Variants in FAF1 observed in about 807,000 individuals in gnomAD.
FAF1 encodes the protein Fas associated factor 1, also known as FAS-associated factor 1.
A neutral mutation model predicts 92.5 loss-of-function variants in FAF1; 25 were observed. The observed-to-expected ratio is 0.27, with a 90% confidence interval of 0.20 to 0.38. The LOEUF is 0.38. Ranked by LOEUF, FAF1 falls within the 10% of genes least tolerant of loss-of-function variation. The pLI, the probability that FAF1 is intolerant of heterozygous loss-of-function variation, is 1.00. For synonymous variants in FAF1, 234 were observed against 273.2 expected (o/e 0.86, Z 1.42); for missense variants, 636 against 793.3 (o/e 0.80, Z 2.38).
At chr1:50,644,518 G>A (rs577949222) in intron 8 of FAF1, among the ~76,000 whole-genome samples, 2 of 152,312 alleles carry the variant, frequency 1.3e-5, no homozygotes, top group East Asian at 1.9e-4. Flanking sequence ...ATTTTTCTCT[G>A]CTGGTAGTCT....
chr1:50,587,994 C>A (rs1651319461), intron 9 of FAF1, among the ~76,000 whole-genome samples: 1 of 152,160 alleles, frequency 6.6e-6, no homozygotes, highest in Non-Finnish European at 1.5e-5. Context: ...ATGTTAAAAA[C>A]TAGGTATGTC....
intron 7 of FAF1, among the ~76,000 whole-genome samples, chr1:50,676,927 C>T (rs557050271): frequency 1.3e-5 from 2 of 152,138 alleles, no homozygotes; most frequent in South Asian, 2.1e-4. Flanking sequence ...TGCCTCTCTC[C>T]ATTCTATTCC....
rs1056552314 is a variant in FAF1 at position 50,784,411 on chromosome 1, T to C, written c.367+3589A>G. On this transcript the variant is annotated intron_variant, in intron 4 of 18. Coordinates refer to ENST00000396153, the MANE Select transcript of FAF1 (RefSeq NM_007051.3). The stretch of plus-strand genomic sequence containing the variant: ...TTCTATATACTAACACTGAACAATC[T>C]GAAAAGAAAATTAAGAAAACAGTCC... Among the ~76,000 whole-genome samples the C allele has an allele frequency of 3.8e-4, 57 of 151,982 alleles. 1 individual carries two copies. Among genetic ancestry groups the C allele is most frequent in the Non-Finnish European group, 7.4e-5 (5 of 67,982 alleles).
intron 2 of FAF1, among the ~76,000 whole-genome samples, chr1:50,853,667 T>C (rs1644369277): frequency 6.6e-6 from 1 of 152,080 alleles, no homozygotes; most frequent in African/African-American, 2.4e-5. Context: ...CATTGGGTTA[T>C]CAAGTATATG....
At chr1:50,680,920 A>T (rs1430868236) in intron 7 of FAF1, among the ~76,000 whole-genome samples, 1 of 152,124 alleles carries the variant, frequency 6.6e-6, no homozygotes, top group African/African-American at 2.4e-5. Flanking sequence ...AATTTAAGCA[A>T]ACCAATTAAA....
chr1:50,731,618 T>C (rs780999748), intron 6 of FAF1, among the ~76,000 whole-genome samples: 1 of 152,100 alleles, frequency 6.6e-6, no homozygotes, highest in Non-Finnish European at 1.5e-5. Flanking sequence ...TCCGCCCGCC[T>C]TGGCATCCCA....
intron 1 of FAF1, among the ~76,000 whole-genome samples, chr1:50,918,191 ATTT>A (rs563259409): frequency 1.5e-5 from 2 of 134,384 alleles, no homozygotes; most frequent in Non-Finnish European, 3.3e-5. Context: ...TTTTTTTTTA[ATTT>A]TTTTTTTTTA....
intron 18 of FAF1, among the ~76,000 whole-genome samples, chr1:50,464,736 A>G (rs1483047439): frequency 2.0e-5 from 3 of 152,222 alleles, no homozygotes; most frequent in African/African-American, 7.2e-5. Context: ...ATCACTTTTG[A>G]TCTTATCATC....
At chr1:50,707,651 A>G (rs1259785832) in intron 6 of FAF1, among the ~76,000 whole-genome samples, 1 of 151,336 alleles carries the variant, frequency 6.6e-6, no homozygotes, top group Non-Finnish European at 1.5e-5. Flanking sequence ...CTGAGATGGC[A>G]CCACTGCACT....
intron 2 of FAF1, among the ~76,000 whole-genome samples, chr1:50,831,762 T>A (rs1297291318): frequency 1.3e-5 from 2 of 149,784 alleles, no homozygotes; most frequent in African/African-American, 2.5e-5. Context: ...TAATGTTGGA[T>A]TATGGTAGAT....
At chr1:50,498,061 CAT>C (rs1471278195) in intron 15 of FAF1, among the ~76,000 whole-genome samples, 1 of 151,952 alleles carries the variant, frequency 6.6e-6, no homozygotes, top group African/African-American at 2.4e-5. Context: ...TAATGATAGA[CAT>C]ATAGAAAAAT....
chr1:50,668,386 G>C (rs1655723247), intron 7 of FAF1, among the ~76,000 whole-genome samples: 1 of 152,148 alleles, frequency 6.6e-6, no homozygotes, highest in Non-Finnish European at 1.5e-5. Flanking sequence ...AAGTGTGTCT[G>C]GTCAGGTTAT....
intron 7 of FAF1, among the ~76,000 whole-genome samples, chr1:50,684,087 T>C (rs1656545064): frequency 6.6e-6 from 1 of 152,140 alleles, no homozygotes; most frequent in Non-Finnish European, 1.5e-5. Context: ...TTCACACTAT[T>C]GGTTTCCAAC....
chr1:50,959,073 G>C (rs572524427), intron 1 of FAF1, among the ~76,000 whole-genome samples: 16 of 152,304 alleles, frequency 1.1e-4, no homozygotes, highest in Non-Finnish European at 1.6e-4. Flanking sequence ...ATCCTTTAAA[G>C]TATTCCTGGA....
chr1:50,555,724 A>G (rs1461396631), intron 13 of FAF1, among the ~76,000 whole-genome samples: 4 of 152,172 alleles, frequency 2.6e-5, no homozygotes, highest in African/African-American at 9.7e-5. Context: ...AAGAACTAAA[A>G]GTAGATCTAC....
chr1:50,600,271 T>C (rs892460815), intron 8 of FAF1, among the ~76,000 whole-genome samples: 4 of 152,198 alleles, frequency 2.6e-5, no homozygotes, highest in African/African-American at 9.6e-5. Flanking sequence ...TGACTTTTTA[T>C]ATCATGTAAT....
chr1:50,614,205 C>T (rs1306779283), intron 8 of FAF1, among the ~76,000 whole-genome samples: 2 of 152,150 alleles, frequency 1.3e-5, no homozygotes, highest in Admixed American at 6.5e-5. Context: ...AAAGAATGAT[C>T]CATTCCCAAG....
At chr1:50,869,110 C>G (rs568918384) in intron 1 of FAF1, among the ~76,000 whole-genome samples, 8 of 152,222 alleles carry the variant, frequency 5.3e-5, no homozygotes, top group African/African-American at 1.9e-4. Flanking sequence ...AAAATTGATT[C>G]TCCCGCGATT....
At chr1:50,613,814 C>A (rs1356500434) in intron 8 of FAF1, among the ~76,000 whole-genome samples, 2 of 151,796 alleles carry the variant, frequency 1.3e-5, no homozygotes, top group Non-Finnish European at 2.9e-5. Flanking sequence ...AACAAAAAAA[C>A]CAGGCAGGGC....
Sources: allele counts gnomAD v4.1 joint callset (sites outside exome capture counted in the v4.1 genomes callset), GRCh38; gene constraint gnomAD v4.1.1; transcripts MANE v1.5; gene names NCBI Gene and HGNC (gene_info 2026-07-23, HGNC 2026-07-21).